The following MYBPC2 variants were observed in gnomAD, a reference collection of about 807,000 sequenced individuals.
The protein encoded by MYBPC2 is myosin-binding protein C, fast-type.
Under a neutral mutation model 137.0 loss-of-function variants are expected in MYBPC2, and 122 were observed. The ratio of observed to expected loss-of-function variants is 0.89; its 90% CI spans 0.77 to 1.03. The LOEUF is 1.03. Among genes scored for constraint, MYBPC2 ranks in the 50% least tolerant of loss-of-function variants. MYBPC2 has a pLI of 0.00. For missense variants in MYBPC2, 1,500 were observed against 1,534.4 expected (o/e 0.98, Z 0.37); for synonymous variants, 626 against 612.3 (o/e 1.02, Z -0.33).
chr19:50,446,712 C>T (rs762103156), intron 12 of MYBPC2, among the ~76,000 whole-genome samples: 11 of 149,410 alleles, frequency 7.4e-5, no homozygotes, highest in Non-Finnish European at 1.3e-4. Flanking sequence ...CACAGCTACT[C>T]GGGAGGCTGA....
intron 20 of MYBPC2, among the ~76,000 whole-genome samples, chr19:50,457,699 TGATGGAGTC>T (rs2039926721): frequency 6.7e-6 from 1 of 149,754 alleles, no homozygotes; most frequent in Non-Finnish European, 1.5e-5. Flanking sequence ...TTTTTTTTTT[TGATGGAGTC>T]TTGGTCTGTC....
At chr19:50,464,142 C>T in intron 26 of MYBPC2, 1 of 512,954 alleles carries the variant, frequency 1.9e-6, no homozygotes, top group South Asian at 2.2e-5. Context: ...AATGGGAAGA[C>T]CCCACCGTTA....
chr19:50,458,791 G>A, intron 21 of MYBPC2, 37 bp downstream of exon 21: 1 of 1,604,658 alleles, frequency 6.2e-7, no homozygotes, highest in Non-Finnish European at 8.5e-7. Context: ...GAAAGACCAA[G>A]CTGGCGTCGT....
In MYBPC2 at chr19:50,443,548, G is replaced by A. The variant is rs201675368; in HGVS notation, c.957G>A (p.Thr319=). ...KKRILTINKC[T]LADDAAYEVA... ...GAATTCTTACCATCAACAAGTGCAC[G>A]CTGGCGGATGACGCTGCCTATGAAG... The change falls in exon 10 of 28, where the codon ACG becomes ACA. Residue 319 remains threonine (T), a synonymous_variant. Transcript: ENST00000357701. 2.5e-6 allele frequency: 4 copies of A among 1,612,852 alleles called. No individual in the cohort carries two copies. Among genetic ancestry groups the A allele is most frequent in the Admixed American group, 1.7e-5 (1 of 59,798 alleles).
Position 50,435,451 on chromosome 19 carries a change from C to T in MYBPC2, c.109+201C>T, listed in dbSNP as rs1214295373. Reference sequence around the variant, plus strand: ...CAGAGCCCAGCCCCTCGGCTGGCATCGGCTCCGGTCAGCTGGCTGATTGAT... The same window carrying T: ...CAGAGCCCAGCCCCTCGGCTGGCATTGGCTCCGGTCAGCTGGCTGATTGAT... On this transcript the variant is annotated intron_variant, in intron 2 of 27. Transcript: ENST00000357701. The surrounding 1 kb of genome is among the most constrained non-coding windows in gnomAD (Gnocchi z 4.8). 1.3e-5 allele frequency among the ~76,000 whole-genome samples: 2 copies of T among 152,230 alleles called. No homozygotes were observed. Among genetic ancestry groups the T allele is most frequent in the Non-Finnish European group, 2.9e-5 (2 of 68,038 alleles).
intron 12 of MYBPC2, 97 bp downstream of exon 12, chr19:50,446,149 C>T: frequency 2.9e-6 from 4 of 1,383,458 alleles, no homozygotes. Context: ...TTGTTCCTGA[C>T]TCCTCTCTTT....
chr19:50,461,007 T>A (rs866183491), intron 24 of MYBPC2, among the ~76,000 whole-genome samples: 11 of 135,238 alleles, frequency 8.1e-5, no homozygotes, highest in Middle Eastern at 4.6e-3. Flanking sequence ...TCTTTTAAAT[T>A]TTTTTTTTTT....
At position 50,455,265 on chromosome 19, in the gene MYBPC2, C is replaced by G. The variant is rs766310677; in HGVS notation, c.2172C>G (p.Pro724=). The G allele has an allele frequency of 2.5e-6, 4 of 1,613,862 alleles. No homozygotes were observed. The highest frequency in any genetic ancestry group is 3.4e-6 in the Non-Finnish European group (4 of 1,179,832). The change falls in exon 19 of 28, where the codon CCC becomes CCG. Residue 724 remains proline (P), a synonymous_variant. Transcript: ENST00000357701. ...FAVNAIGVSQ[P]SMNTKPFMPI... ...TCAATGCTATAGGGGTCTCCCAGCCCAGCATGAACACCAAGCCTTTTATGC... is the reference window on the plus strand; with the variant it reads ...TCAATGCTATAGGGGTCTCCCAGCCGAGCATGAACACCAAGCCTTTTATGC...
chr19:50,435,077 T>TG lies in MYBPC2; in HGVS notation c.20-78dup. On this transcript the variant is annotated intron_variant, in intron 1 of 27. Transcript: ENST00000357701. This position sits in a 1 kb window ranked among gnomAD's most constrained non-coding sequence, Gnocchi z 4.8. ...CTCCTGGGTCTGAGGGAGGAGGGGCTGGGGGGTCTGGACTCCTGCGTCTGA... is the reference window on the plus strand; with the variant it reads ...CTCCTGGGTCTGAGGGAGGAGGGGCTGGGGGGGTCTGGACTCCTGCGTCTGA... The TG allele has an allele frequency of 1.5e-6, 1 of 665,992 alleles. No homozygotes were observed. The highest frequency in any genetic ancestry group is 1.5e-5 in the South Asian group (1 of 65,952). The allele number at this position is 665,992 out of a possible 1,614,324, so 41.3% of individuals were successfully genotyped here. A position where few individuals can be genotyped will look rare whatever the true frequency, so the allele number is the denominator to read the frequency against.
intron 12 of MYBPC2, 27 bp from the exon 13 acceptor site, chr19:50,448,198 G>A (rs750002958): frequency 2.2e-5 from 35 of 1,602,688 alleles, no homozygotes; most frequent in South Asian, 1.8e-4. Context: ...AGTAGTGACG[G>A]CTCCTTGTCT....
At chr19:50,460,420 C>G (rs1483671135) in intron 24 of MYBPC2, among the ~76,000 whole-genome samples, 1 of 152,158 alleles carries the variant, frequency 6.6e-6, no homozygotes, top group African/African-American at 2.4e-5. Context: ...AACAATTCAG[C>G]AGCACTTAGG....
Position 50,458,579 on chromosome 19 carries a change from C to T in MYBPC2, c.2339-8C>T, listed in dbSNP as rs2039935890. 2 of 1,610,646 alleles carry T rather than the reference C, an allele frequency of 1.2e-6. No individual in the cohort carries two copies. Among genetic ancestry groups the T allele is most frequent in the Non-Finnish European group, 1.7e-6 (2 of 1,179,804 alleles). On this transcript the variant is annotated splice_region_variant and splice_polypyrimidine_tract_variant and intron_variant, in intron 20 of 27. Coordinates refer to ENST00000357701, the MANE Select transcript of MYBPC2 (RefSeq NM_004533.4). ...CACGAGATCCGCCAGCAGGGCCTCT[C>T]TCTCCAGCCGAGGAATGGGTCCCTG...
chr19:50,447,934 C>T (rs1443817656), intron 12 of MYBPC2, among the ~76,000 whole-genome samples: 6 of 152,022 alleles, frequency 3.9e-5, no homozygotes, highest in South Asian at 2.1e-4. Context: ...CCACTGTGCC[C>T]GGCCACCTCA....
chr19:50,456,008 C>T (rs1356508535), intron 20 of MYBPC2, among the ~76,000 whole-genome samples: 1 of 152,122 alleles, frequency 6.6e-6, no homozygotes, highest in Non-Finnish European at 1.5e-5. Context: ...ATCCATCTGT[C>T]CATCCATCTG....
intron 11 of MYBPC2, among the ~76,000 whole-genome samples, chr19:50,444,297 TC>T (rs879931506): frequency 0.01 from 1,300 of 123,984 alleles, 7 homozygotes; most frequent in Non-Finnish European, 0.015. Context: ...CATTCATCCA[TC>T]CATCCATCCA....
chr19:50,455,225 T>C lies in MYBPC2; in HGVS notation c.2132T>C (p.Met711Thr), dbSNP rs768562963. 6.8e-6 allele frequency: 11 copies of C among 1,613,922 alleles called. No homozygotes were observed. Among genetic ancestry groups the C allele is most frequent in the Non-Finnish European group, 9.3e-6 (11 of 1,179,876 alleles). The change falls in exon 19 of 28, where the codon ATG (methionine) becomes ACG (threonine). Residue 711 changes from methionine to threonine, a missense_variant. Coordinates refer to ENST00000357701, the MANE Select transcript of MYBPC2 (RefSeq NM_004533.4). Reference sequence around the variant, plus strand: ...ATGATCGAGGGCATCCTCTATGAGATGCGTGTCTTCGCCGTCAATGCTATA... The same window carrying C: ...ATGATCGAGGGCATCCTCTATGAGACGCGTGTCTTCGCCGTCAATGCTATA... ...TKMIEGILYE[M>T]RVFAVNAIGV...
chr19:50,464,719 C>T (rs2039999804), intron 27 of MYBPC2, among the ~76,000 whole-genome samples, 187 bp downstream of exon 27: 1 of 152,132 alleles, frequency 6.6e-6, no homozygotes, highest in South Asian at 2.1e-4. Context: ...GTTGGGGAGC[C>T]CCTGACCCAG....
intron 24 of MYBPC2, 36 bp from the exon 25 acceptor site, chr19:50,461,506 C>T (rs563122925): frequency 6.2e-7 from 1 of 1,603,248 alleles, no homozygotes; most frequent in South Asian, 1.1e-5. Context: ...ATCCTGTGGC[C>T]CCGACCCGCC....
chr19:50,452,151 A>G, intron 16 of MYBPC2, 148 bp downstream of exon 16: 1 of 905,434 alleles, frequency 1.1e-6, no homozygotes, highest in Non-Finnish European at 1.7e-6. Context: ...ATGTTTGTCC[A>G]TCACAGGTAT....
Sources: allele counts gnomAD v4.1 joint callset (sites outside exome capture counted in the v4.1 genomes callset), GRCh38; gene constraint gnomAD v4.1.1; non-coding constraint Gnocchi (gnomAD v3.1); transcripts MANE v1.5; gene names NCBI Gene and HGNC (gene_info 2026-07-23, HGNC 2026-07-21).